The following ROR2 variants were observed in gnomAD, a reference collection of about 807,000 sequenced individuals.
ROR2 encodes tyrosine-protein kinase transmembrane receptor ROR2.
Under a neutral mutation model 74.9 loss-of-function variants are expected in ROR2, and 33 were observed. The observed-to-expected ratio is 0.44, with a 90% CI of 0.33 to 0.59. The LOEUF is 0.59. ROR2 is among the 20% of genes least tolerant of loss of function. ROR2 has a pLI of 0.02. For synonymous variants in ROR2, 586 were observed against 558.7 expected, an observed-to-expected ratio of 1.05 and a Z score of -0.69; for missense variants, 1,216 against 1,313.8, an observed-to-expected ratio of 0.93 and a Z score of 1.15.
chr9:91,947,970 C>T (rs530903565), intron 1 of ROR2, among the ~76,000 whole-genome samples: 1 of 152,128 alleles, frequency 6.6e-6, no homozygotes, highest in East Asian at 1.9e-4. Context: ...TATCCTATGC[C>T]CTCTCCTATA....
intron 1 of ROR2, among the ~76,000 whole-genome samples, chr9:91,894,869 T>G (rs1026925139): frequency 3.3e-5 from 5 of 152,196 alleles, no homozygotes; most frequent in African/African-American, 4.8e-5. Flanking sequence ...GAAGACAGTT[T>G]GATGGTTTCT....
rs539066591 is a variant in ROR2, at chr9:91,943,995, A to G, written c.97+5872T>C. 8.5e-5 allele frequency among the ~76,000 whole-genome samples: 13 copies of G among 152,344 alleles called. No individual in the cohort carries two copies. The South Asian group carries it at 2.5e-3, about 29-fold the overall frequency. On this transcript the variant is annotated intron_variant, in intron 1 of 8. Coordinates refer to ENST00000375708, the MANE Select transcript of ROR2 (RefSeq NM_004560.4). ...CCTCCAAGATCAGGAACAAGACAAG[A>G]ATGCCCATTTTCACCTCTTCTATTC...
intron 1 of ROR2, among the ~76,000 whole-genome samples, chr9:91,925,017 A>T (rs1370893784): frequency 6.6e-6 from 1 of 151,532 alleles, no homozygotes; most frequent in Non-Finnish European, 1.5e-5. Context: ...GCTATTTTTT[A>T]TTATTATTAT....
intron 1 of ROR2, among the ~76,000 whole-genome samples, chr9:91,858,631 G>T (rs1427993899): frequency 6.6e-6 from 1 of 152,186 alleles, no homozygotes; most frequent in Non-Finnish European, 1.5e-5. Flanking sequence ...GCAAAGTAAT[G>T]AGTTGAAAAA....
intron 1 of ROR2, among the ~76,000 whole-genome samples, chr9:91,830,651 G>C (rs904672468): frequency 6.6e-6 from 1 of 151,482 alleles, no homozygotes; most frequent in Non-Finnish European, 1.5e-5. Flanking sequence ...TTTATTTGCA[G>C]AGGAAATGGA....
At chr9:91,811,922 C>T (rs1401326830) in intron 1 of ROR2, among the ~76,000 whole-genome samples, 5 of 152,230 alleles carry the variant, frequency 3.3e-5, no homozygotes, top group Non-Finnish European at 7.3e-5. Flanking sequence ...CAAGTGCCTG[C>T]CTCCTTTTTA....
chr9:91,821,754 C>T (rs928421702), intron 1 of ROR2, among the ~76,000 whole-genome samples: 7 of 152,196 alleles, frequency 4.6e-5, no homozygotes, highest in African/African-American at 1.2e-4. Context: ...AAGATCCTCA[C>T]GTCTCTGCCT....
intron 1 of ROR2, among the ~76,000 whole-genome samples, chr9:91,856,024 C>A (rs1057305263): frequency 6.6e-6 from 1 of 152,148 alleles, no homozygotes; most frequent in Admixed American, 6.5e-5. Context: ...TTTGTTGGGA[C>A]TTCCCAACAA....
chr9:91,941,138 C>T (rs1402467679), intron 1 of ROR2, among the ~76,000 whole-genome samples: 4 of 151,880 alleles, frequency 2.6e-5, no homozygotes, highest in African/African-American at 9.7e-5. Flanking sequence ...GCTGGGACTA[C>T]AGGCGCCCAC....
chr9:91,767,199 C>T (rs541124016), intron 2 of ROR2, among the ~76,000 whole-genome samples: 127 of 152,154 alleles, frequency 8.3e-4, no homozygotes, highest in African/African-American at 2.8e-3. Flanking sequence ...CTCAGCCTCC[C>T]GAGTAGCTGG....
intron 1 of ROR2, among the ~76,000 whole-genome samples, chr9:91,906,019 C>CA (rs55696548): frequency 0.47 from 69,274 of 147,412 alleles, 16,913 homozygotes; most frequent in African/African-American, 0.6. Context: ...AAAAAAAAAA[C>CA]CACACACACA....
chr9:91,792,347 GC>G (rs1179217957), intron 1 of ROR2, among the ~76,000 whole-genome samples: 3 of 134,692 alleles, frequency 2.2e-5, no homozygotes, highest in Non-Finnish European at 4.6e-5. Context: ...TCGCTCTGTC[GC>G]CCAGGTTGGA....
chr9:91,911,251 T>C (rs1459700566), intron 1 of ROR2, among the ~76,000 whole-genome samples: 2 of 152,238 alleles, frequency 1.3e-5, no homozygotes, highest in Admixed American at 1.3e-4. Context: ...GGATACATTC[T>C]GAGAAATGCG....
chr9:91,811,812 A>G (rs879721841), intron 1 of ROR2, among the ~76,000 whole-genome samples: 2 of 152,128 alleles, frequency 1.3e-5, no homozygotes, highest in African/African-American at 4.8e-5. Flanking sequence ...TTGTGACACA[A>G]GCCATTTCCG....
intron 1 of ROR2, among the ~76,000 whole-genome samples, chr9:91,817,594 A>C (rs548467241): frequency 6.6e-6 from 1 of 152,194 alleles, no homozygotes; most frequent in African/African-American, 2.4e-5. Context: ...TGGGCCAGGC[A>C]CTGATGCTCA....
intron 4 of ROR2, among the ~76,000 whole-genome samples, chr9:91,747,910 T>G (rs901480500): frequency 2.2e-4 from 34 of 152,292 alleles, no homozygotes; most frequent in African/African-American, 7.7e-4. Flanking sequence ...CAGTGGTGGT[T>G]ACCAGAGGCT....
Position 91,843,455 on chromosome 9 carries a change from G to A in ROR2, c.98-67637C>T, listed in dbSNP as rs114527974. On this transcript the variant is annotated intron_variant, in intron 1 of 8. Transcript: ENST00000375708. ...AATGTTCTTATTTCCGACATAATAC[G>A]TCCTTCCTGACAGCCCTCAGTGCCT... 2.6e-3 allele frequency among the ~76,000 whole-genome samples: 400 copies of A among 152,318 alleles called. 6 individuals are homozygous for A. Among genetic ancestry groups the A allele is most frequent in the African/African-American group, 9.3e-3 (385 of 41,560 alleles).
chr9:91,850,979 A>G (rs1423537347), intron 1 of ROR2, among the ~76,000 whole-genome samples: 1 of 152,170 alleles, frequency 6.6e-6, no homozygotes. Context: ...GGCACACTCA[A>G]TTGTTCTAAC....
chr9:91,885,299 A>G (rs1289611266), intron 1 of ROR2, among the ~76,000 whole-genome samples: 8 of 149,988 alleles, frequency 5.3e-5, no homozygotes, highest in African/African-American at 1.5e-4. Context: ...CCTTTGTTGA[A>G]GCTTTGGGGG....
Sources: allele counts gnomAD v4.1 joint callset (sites outside exome capture counted in the v4.1 genomes callset), GRCh38; gene constraint gnomAD v4.1.1; transcripts MANE v1.5; gene names NCBI Gene and HGNC (gene_info 2026-07-23, HGNC 2026-07-21).